The following DLGAP4 variants were observed in gnomAD, a reference collection of about 807,000 sequenced individuals.
DLGAP4 encodes DLG associated protein 4.
A neutral mutation model predicts 86.9 loss-of-function variants in DLGAP4; 18 were observed. That is an observed-to-expected ratio of 0.21 (90% CI 0.14 to 0.31). The LOEUF is 0.31. Among genes scored for constraint, DLGAP4 ranks in the 10% least tolerant of loss-of-function variants. DLGAP4 has a pLI of 1.00. For missense variants in DLGAP4, 1,085 were observed against 1,362.6 expected, an observed-to-expected ratio of 0.80 and a Z score of 3.21; for synonymous variants, 548 against 574.3, an observed-to-expected ratio of 0.95 and a Z score of 0.65.
chr20:36,478,136 C>G (rs529617732), intron 7 of DLGAP4, among the ~76,000 whole-genome samples: 12 of 152,314 alleles, frequency 7.9e-5, no homozygotes, highest in African/African-American at 2.9e-4. Flanking sequence ...AAATGACTTT[C>G]ATGGTGATCA....
chr20:36,488,527 TACCA>T (rs1249778202), intron 7 of DLGAP4, among the ~76,000 whole-genome samples: 3 of 152,152 alleles, frequency 2.0e-5, no homozygotes, highest in Non-Finnish European at 4.4e-5. Context: ...ATAATGTTTC[TACCA>T]ACCAACCAAT....
intron 2 of DLGAP4, among the ~76,000 whole-genome samples, chr20:36,426,349 C>T (rs2032973074): frequency 6.6e-6 from 1 of 151,948 alleles, no homozygotes; most frequent in African/African-American, 2.4e-5. Context: ...ACCCGTTCTC[C>T]ACTAAAAATA....
At chr20:36,359,613 G>A (rs559595816) in intron 1 of DLGAP4, among the ~76,000 whole-genome samples, 1 of 152,284 alleles carries the variant, frequency 6.6e-6, no homozygotes, top group South Asian at 2.1e-4. Flanking sequence ...CTGAGGCTCG[G>A]TGTCCTCATT....
intron 7 of DLGAP4, among the ~76,000 whole-genome samples, chr20:36,457,470 G>T (rs978458664): frequency 1.3e-5 from 2 of 150,182 alleles, no homozygotes; most frequent in Non-Finnish European, 3.0e-5. Context: ...CGCCTCCCTG[G>T]TTCTGGTTCA....
intron 7 of DLGAP4, among the ~76,000 whole-genome samples, chr20:36,486,654 A>T (rs1352465685): frequency 6.6e-6 from 1 of 151,978 alleles, no homozygotes; most frequent in African/African-American, 2.4e-5. Context: ...TCAGTTGCAC[A>T]GGCTGGAGTG....
chr20:36,369,225 T>C (rs778681683), intron 2 of DLGAP4, among the ~76,000 whole-genome samples: 1 of 152,220 alleles, frequency 6.6e-6, no homozygotes, highest in Non-Finnish European at 1.5e-5. Flanking sequence ...TGCTGGGTCC[T>C]GAGACCCAGA....
intron 7 of DLGAP4, among the ~76,000 whole-genome samples, chr20:36,465,862 T>A (rs2034327776): frequency 6.6e-6 from 1 of 152,150 alleles, no homozygotes; most frequent in Non-Finnish European, 1.5e-5. Flanking sequence ...TCAGCCTTTA[T>A]TAATGCTGTC....
chr20:36,439,775 A>G lies in DLGAP4; in HGVS notation c.1263A>G (p.Ser421=), dbSNP rs960393782. ...CCAGGAGTCTGGACCGCCTGGATTCAGTGGACATGCTGCTGCCCTCCAAGT... is the reference window on the plus strand; with the variant it reads ...CCAGGAGTCTGGACCGCCTGGATTCGGTGGACATGCTGCTGCCCTCCAAGT... ...NPRRSLDRLD[S]VDMLLPSKCP... is the part of the protein sequence containing the mutation. Residue 421 remains serine, a synonymous_variant, in exon 5 of 13, where the codon TCA becomes TCG. Transcript: ENST00000339266. The G allele has an allele frequency of 1.9e-6, 3 of 1,612,094 alleles. No homozygotes were observed. The highest frequency in any genetic ancestry group is 2.7e-5 in the African/African-American group (2 of 74,828).
intron 10 of DLGAP4, among the ~76,000 whole-genome samples, chr20:36,522,963 C>T (rs2037469006): frequency 6.6e-6 from 1 of 152,184 alleles, no homozygotes; most frequent in African/African-American, 2.4e-5. Context: ...TTCAAGTGAT[C>T]CTCCCAAGTA....
At chr20:36,385,937 T>G (rs1362362473) in intron 2 of DLGAP4, among the ~76,000 whole-genome samples, 4 of 152,132 alleles carry the variant, frequency 2.6e-5, no homozygotes, top group African/African-American at 9.7e-5. Flanking sequence ...CCCAGAGATC[T>G]AGCTGCACCC....
rs1195270652 is a variant in DLGAP4 at position 36,393,274 on chromosome 20, A to T, written c.-73+25999A>T. Among the ~76,000 whole-genome samples the T allele has an allele frequency of 6.6e-6, 1 of 152,094 alleles. No individual in the cohort carries two copies. Among genetic ancestry groups the T allele is most frequent in the East Asian group, 1.9e-4 (1 of 5,200 alleles). On this transcript the variant is annotated intron_variant, in intron 2 of 12. Coordinates refer to ENST00000339266, the MANE Select transcript of DLGAP4 (RefSeq NM_001365621.2). The surrounding 1 kb of genome is among the most constrained non-coding windows in gnomAD (Gnocchi z 4.4). Reference sequence around the variant, plus strand: ...CACAGACCTAACCAAGAGCCTGAGCAAGACTGGAAGTGCCTCCTTAGCCTG... The same window carrying T: ...CACAGACCTAACCAAGAGCCTGAGCTAGACTGGAAGTGCCTCCTTAGCCTG...
At chr20:36,398,398 G>C (rs145970285) in intron 2 of DLGAP4, among the ~76,000 whole-genome samples, 1 of 152,200 alleles carries the variant, frequency 6.6e-6, no homozygotes, top group Admixed American at 6.5e-5. Flanking sequence ...GAGGTATGGA[G>C]TAACTCTTGG....
At chr20:36,524,611 T>C (rs1362796658) in intron 11 of DLGAP4, among the ~76,000 whole-genome samples, 1 of 152,176 alleles carries the variant, frequency 6.6e-6, no homozygotes, top group Admixed American at 6.6e-5. Context: ...ATATAAAATA[T>C]ATTCTGTATC....
chr20:36,404,375 C>A (rs1314128478), intron 2 of DLGAP4, among the ~76,000 whole-genome samples: 1 of 152,054 alleles, frequency 6.6e-6, no homozygotes, highest in Non-Finnish European at 1.5e-5. Flanking sequence ...CTGTGGTCAC[C>A]CCCAAAGTCC....
intron 1 of DLGAP4, among the ~76,000 whole-genome samples, chr20:36,327,119 C>G (rs2065223376): frequency 6.6e-6 from 1 of 151,530 alleles, no homozygotes; most frequent in African/African-American, 2.4e-5. Context: ...CCTACCTCAG[C>G]CTCCCGAGTA....
chr20:36,437,905 A>G (rs541705860), intron 4 of DLGAP4, among the ~76,000 whole-genome samples: 1 of 152,132 alleles, frequency 6.6e-6, no homozygotes, highest in East Asian at 1.9e-4. Context: ...TAGTTTCTCC[A>G]TCTTTTTTGT....
At chr20:36,368,171 T>TC (rs1171577181) in intron 2 of DLGAP4, among the ~76,000 whole-genome samples, 1 of 152,162 alleles carries the variant, frequency 6.6e-6, no homozygotes, top group Non-Finnish European at 1.5e-5. Flanking sequence ...AAGGGAAACC[T>TC]CTCTTACCTC....
chr20:36,351,657 G>GC (rs2030157278), intron 1 of DLGAP4, among the ~76,000 whole-genome samples: 1 of 152,090 alleles, frequency 6.6e-6, no homozygotes, highest in Non-Finnish European at 1.5e-5. Flanking sequence ...CCGGAAACCA[G>GC]CCCCCCTCAT....
At chr20:36,497,605 A>G (rs1035038561) in intron 8 of DLGAP4, 2 of 987,854 alleles carry the variant, frequency 2.0e-6, no homozygotes, top group African/African-American at 1.7e-5. Context: ...GGGGACAGGT[A>G]GGTGGCTTGA....
Sources: allele counts gnomAD v4.1 joint callset (sites outside exome capture counted in the v4.1 genomes callset), GRCh38; gene constraint gnomAD v4.1.1; non-coding constraint Gnocchi (gnomAD v3.1); transcripts MANE v1.5; gene names NCBI Gene and HGNC (gene_info 2026-07-23, HGNC 2026-07-21).